Variants in BOP1 observed in about 807,000 individuals in gnomAD.
BOP1 encodes the protein BOP1 ribosomal biogenesis factor.
BOP1 carries 54 observed loss-of-function variants against 82.9 expected under a neutral mutation model. The observed-to-expected ratio is 0.65, with a 90% CI of 0.52 to 0.82. BOP1 has a LOEUF of 0.82. Ranked by LOEUF, BOP1 falls within the 40% of genes least tolerant of loss-of-function variation. BOP1 has a pLI of 0.00. For synonymous variants in BOP1, 566 were observed against 451.1 expected (o/e 1.25, Z -3.23); for missense variants, 1,170 against 1,072.0 (o/e 1.09, Z -1.28).
At chr8:144,267,090 G>A (rs1279005518) in intron 3 of BOP1, 24 of 1,370,016 alleles carry the variant, frequency 1.8e-5, no homozygotes, top group South Asian at 3.4e-5. Context: ...GCAGCCCCCC[G>A]CCGCCGCCCC....
Position 144,263,093 on chromosome 8 carries a change from C to T in BOP1, c.1654G>A (p.Val552Met). 4 of 1,591,990 alleles carry T rather than the reference C, an allele frequency of 2.5e-6. No individual in the cohort carries two copies. Among genetic ancestry groups the T allele is most frequent in the Non-Finnish European group, 3.4e-6 (4 of 1,178,102 alleles). The change falls in exon 13 of 16, where the codon GTG (valine) becomes ATG (methionine). Residue 552 changes from valine to methionine, a missense_variant. Transcript: ENST00000569669. The stretch of plus-strand genomic sequence containing the variant: ...TGGGTGTGGCCTTGGGTGGCCAGCA[C>T]CACGGCCAGGTAGTCCCCACGCCCG... The part of the protein sequence containing the change: ...WHGRGDYLAV[V>M]LATQGHTQVL...
intron 2 of BOP1, among the ~76,000 whole-genome samples, chr8:144,286,598 T>C (rs55919509): frequency 3.6e-4 from 43 of 118,322 alleles, no homozygotes; most frequent in African/African-American, 4.7e-4. Context: ...ACGGGCGCCA[T>C]GGCAGGGCAG....
At chr8:144,273,797 C>A (rs1368984718) in intron 3 of BOP1, among the ~76,000 whole-genome samples, 6 of 150,928 alleles carry the variant, frequency 4.0e-5, no homozygotes, top group Non-Finnish European at 7.4e-5. Context: ...CTCCTGGGGG[C>A]CCCCCACTGC....
chr8:144,262,077 T>C lies in BOP1; in HGVS notation c.*87A>G, dbSNP rs1380809948. Reference sequence around the variant, plus strand: ...GGGGCGGCTTTGTTGGCAACCCCAATTCAAGAAGGTGGGAGCACCAGGCAG... The same window carrying C: ...GGGGCGGCTTTGTTGGCAACCCCAACTCAAGAAGGTGGGAGCACCAGGCAG... On this transcript the variant is annotated 3_prime_UTR_variant, in exon 16 of 16. Transcript: ENST00000569669. 2 of 1,587,946 alleles carry C rather than the reference T, an allele frequency of 1.3e-6. No homozygotes were observed. Among genetic ancestry groups the C allele is most frequent in the Admixed American group, 1.7e-5 (1 of 59,130 alleles).
At chr8:144,267,951 C>T (rs2130214813) in intron 3 of BOP1, among the ~76,000 whole-genome samples, 1 of 152,322 alleles carries the variant, frequency 6.6e-6, no homozygotes, top group African/African-American at 2.4e-5. Flanking sequence ...CAGTATGCTC[C>T]CCTCCCCAAA....
At chr8:144,281,239 G>C (rs1410886347) in intron 2 of BOP1, among the ~76,000 whole-genome samples, 248 of 3,280 alleles carry the variant, frequency 0.076, 117 homozygotes, top group East Asian at 0.13. Flanking sequence ...CCTTCCCTCA[G>C]TTTAATACCA....
intron 3 of BOP1, among the ~76,000 whole-genome samples, chr8:144,274,491 C>G (rs1845539675): frequency 6.6e-6 from 1 of 152,238 alleles, no homozygotes; most frequent in South Asian, 2.1e-4. Context: ...GGAACAGAGG[C>G]CCAGGCAGAT....
rs1169552048 is a variant in BOP1 at position 144,272,245 on chromosome 8, G to A, written c.390+3979C>T. On this transcript the variant is annotated intron_variant, in intron 3 of 15. Coordinates refer to ENST00000569669, the MANE Select transcript of BOP1 (RefSeq NM_015201.5). ...CAACTCAGAGCTACAACTTCCAGGT[G>A]GGGTGGGGACAGGGCTCTAGAGGTC... is the stretch of plus-strand genomic sequence containing the variant. 3.3e-5 allele frequency among the ~76,000 whole-genome samples: 5 copies of A among 152,124 alleles called. No homozygotes were observed. In the East Asian group the frequency reaches 9.7e-4, roughly 30 times the overall value.
rs532270429 is a variant in BOP1, at chr8:144,263,124, G to A, written c.1623C>T (p.Thr541=). The change falls in exon 13 of 16, where the codon ACC becomes ACT. Residue 541 remains threonine, a synonymous_variant. Coordinates refer to ENST00000569669, the MANE Select transcript of BOP1 (RefSeq NM_015201.5). ...ICHGKPVTQV[T]WHGRGDYLAV... is the part of the protein sequence containing the mutation. The stretch of plus-strand genomic sequence containing the variant: ...CCAGGTAGTCCCCACGCCCGTGCCA[G>A]GTCACCTGCGTCACTGGCTGCAGGA... The A allele has an allele frequency of 3.0e-4, 486 of 1,593,802 alleles. 8 individuals carry two copies. The South Asian group carries it at 5.2e-3, about 17-fold the overall frequency.
rs116804507 is a variant in BOP1 at position 144,290,750 on chromosome 8, C to G, written c.99+522G>C. ...TTCAACAACCCAGCGCGGCCGCGGCCGAGGGGGCTGTGAGGGGCTGGCTGT... is the reference window on the plus strand; with the variant it reads ...TTCAACAACCCAGCGCGGCCGCGGCGGAGGGGGCTGTGAGGGGCTGGCTGT... On this transcript the variant is annotated intron_variant, in intron 1 of 15. Transcript: ENST00000569669. Among the ~76,000 whole-genome samples, 1,250 of 152,248 alleles carry G rather than the reference C, an allele frequency of 8.2e-3. 24 individuals are homozygous for G. The highest frequency in any genetic ancestry group is 0.028 in the African/African-American group (1,175 of 41,552).
chr8:144,263,830 C>CTT lies in BOP1; in HGVS notation c.1221_1221+1insAA (p.Val408LysfsTer42). On this transcript the variant is annotated frameshift_variant and splice_region_variant. Coordinates refer to ENST00000569669, the MANE Select transcript of BOP1 (RefSeq NM_015201.5). LOFTEE classifies it high-confidence loss of function. ...ACCCCAGCCCCCTAGTCTCCACTTA[C>CTT]CAGGGCCTGGCACGTGGGGAAGGGC... is the stretch of plus-strand genomic sequence containing the variant. 6.2e-7 allele frequency: 1 copy of CTT among 1,611,132 alleles called. No individual in the cohort carries two copies. Among genetic ancestry groups the CTT allele is most frequent in the Non-Finnish European group, 8.5e-7 (1 of 1,179,596 alleles).
Position 144,264,568 on chromosome 8 carries a change from T to G in BOP1, c.712A>C (p.Asn238His). 3 of 1,609,548 alleles carry G rather than the reference T, an allele frequency of 1.9e-6. No individual in the cohort carries two copies. Among genetic ancestry groups the G allele is most frequent in the Non-Finnish European group, 8.5e-7 (1 of 1,178,612 alleles). The change falls in exon 6 of 16, where the codon AAC becomes CAC. Residue 238 changes from asparagine (N) to histidine (H), a missense_variant. Asn to His is a moderately conservative substitution (Grantham distance 68). Coordinates refer to ENST00000569669, the MANE Select transcript of BOP1 (RefSeq NM_015201.5). ...SGDVMIHPVT[N>H]RPADKRSFIP... ...AAGCTGCGCTTGTCGGCCGGGCGGT[T>G]GGTCACCGGGTGGATCATGACGTCC...
Position 144,291,289 on chromosome 8 carries a change from G to T in BOP1, c.82C>A (p.Pro28Thr). 9 of 1,460,806 alleles carry T rather than the reference G, an allele frequency of 6.2e-6. No homozygotes were observed. Among genetic ancestry groups the T allele is most frequent in the Non-Finnish European group, 7.2e-6 (8 of 1,108,220 alleles). The allele number at this position is 1,460,806 out of a possible 1,614,324, so 90.5% of individuals were successfully genotyped here. A position where few individuals can be genotyped will look rare whatever the true frequency, so the allele number is the denominator to read the frequency against. ...ACAGTCACCTCCGGCTCGGGCTCAG[G>T]CTCCAGTTCGGGCTCAGACCGCCGC... ...EKRRSEPELE[P>T]EPEPEPPLLC... Residue 28 changes from proline to threonine, a missense_variant, in exon 1 of 16, where the codon CCT becomes ACT. Coordinates refer to ENST00000569669, the MANE Select transcript of BOP1 (RefSeq NM_015201.5). This position sits in a 1 kb window ranked among gnomAD's most constrained non-coding sequence, Gnocchi z 4.1.
At chr8:144,268,206 C>T (rs1441178531) in intron 3 of BOP1, 3 of 1,545,972 alleles carry the variant, frequency 1.9e-6, no homozygotes, top group East Asian at 2.4e-5. Flanking sequence ...GGGGTGACTG[C>T]AGACAGCCCC....
intron 3 of BOP1, chr8:144,267,286 G>A: frequency 7.8e-7 from 1 of 1,281,828 alleles, no homozygotes; most frequent in East Asian, 3.2e-5. Flanking sequence ...CCCCAACAGG[G>A]CACAGGCAGG....
chr8:144,282,547 C>T (rs1845701668), intron 2 of BOP1, among the ~76,000 whole-genome samples: 1 of 152,062 alleles, frequency 6.6e-6, no homozygotes, highest in Non-Finnish European at 1.5e-5. Context: ...GAAGGGATGC[C>T]TGCCCTCAAA....
chr8:144,290,837 G>C (rs1214529138), intron 1 of BOP1, among the ~76,000 whole-genome samples: 1 of 152,238 alleles, frequency 6.6e-6, no homozygotes, highest in Non-Finnish European at 1.5e-5. Context: ...AGCTAGCAGA[G>C]AGCAACAGTG....
At chr8:144,272,714 C>T (rs1258354889) in intron 3 of BOP1, among the ~76,000 whole-genome samples, 1 of 152,120 alleles carries the variant, frequency 6.6e-6, no homozygotes, top group East Asian at 1.9e-4. Context: ...AGCCACTGCC[C>T]AGCCCTGCTT....
chr8:144,282,355 A>C (rs55791005), intron 2 of BOP1, among the ~76,000 whole-genome samples: 186 of 152,354 alleles, frequency 1.2e-3, no homozygotes, highest in Admixed American at 6.5e-3. Context: ...GAACCAGGCC[A>C]GGAGACAGAA....
Sources: allele counts gnomAD v4.1 joint callset (sites outside exome capture counted in the v4.1 genomes callset), GRCh38; gene constraint gnomAD v4.1.1; non-coding constraint Gnocchi (gnomAD v3.1); transcripts MANE v1.5; gene names NCBI Gene and HGNC (gene_info 2026-07-23, HGNC 2026-07-21).